The following STPG2 variants were observed in gnomAD, a reference collection of about 807,000 sequenced individuals.
STPG2 encodes the protein sperm tail PG-rich repeat containing 2.
In STPG2, 56 loss-of-function variants were observed where a neutral mutation model predicts 54.2. The ratio of observed to expected loss-of-function variants is 1.03; its 90% CI spans 0.83 to 1.29. The LOEUF (loss-of-function observed/expected upper bound fraction) is 1.29. STPG2 is among the 50% of genes most tolerant of loss of function. The pLI is 0.00. For missense variants in STPG2, 596 were observed against 544.9 expected (o/e 1.09, Z -0.93); for synonymous variants, 200 against 181.8 (o/e 1.10, Z -0.81).
intron 8 of STPG2, among the ~76,000 whole-genome samples, chr4:97,851,281 G>A (rs1199145972): frequency 1.3e-5 from 2 of 152,156 alleles, no homozygotes; most frequent in Non-Finnish European, 2.9e-5. Context: ...CAAACAGTAA[G>A]TGACTGACAC....
At chr4:97,981,084 G>T (rs1383464621) in intron 6 of STPG2, 75 bp downstream of exon 6, 8 of 1,475,828 alleles carry the variant, frequency 5.4e-6, no homozygotes, top group Non-Finnish European at 7.3e-6. Context: ...ATACTCTCTG[G>T]TGTATCCATC....
intron 7 of STPG2, among the ~76,000 whole-genome samples, chr4:97,947,404 G>A (rs541142006): frequency 2.0e-5 from 3 of 151,860 alleles, no homozygotes; most frequent in Non-Finnish European, 4.4e-5. Context: ...ATTTCCTTCT[G>A]TTGCCTGATT....
intron 10 of STPG2, among the ~76,000 whole-genome samples, chr4:97,704,306 C>T (rs771794029): frequency 6.6e-6 from 1 of 152,132 alleles, no homozygotes; most frequent in Non-Finnish European, 1.5e-5. Context: ...GGGCTGAAAG[C>T]TATCCTTAAG....
At chr4:97,540,632 C>T (rs1731673683) in intron 4 of STPG2, among the ~76,000 whole-genome samples, 1 of 152,156 alleles carries the variant, frequency 6.6e-6, no homozygotes, top group African/African-American at 2.4e-5. Flanking sequence ...AGGCCAGCAT[C>T]ATCCTGATAC....
At chr4:97,846,615 C>T (rs1335021869) in intron 8 of STPG2, among the ~76,000 whole-genome samples, 2 of 122,500 alleles carry the variant, frequency 1.6e-5, no homozygotes, top group Admixed American at 9.6e-5. Context: ...CAGTGTGAGA[C>T]TCCACCTCAA....
At chr4:97,957,141 T>C (rs967009984) in intron 7 of STPG2, among the ~76,000 whole-genome samples, 7 of 150,676 alleles carry the variant, frequency 4.6e-5, no homozygotes, top group Non-Finnish European at 7.4e-5. Context: ...ATATATGAAA[T>C]ATACATGTGA....
At chr4:97,791,819 A>AT (rs1454334313) in intron 9 of STPG2, among the ~76,000 whole-genome samples, 1 of 151,996 alleles carries the variant, frequency 6.6e-6, no homozygotes, top group African/African-American at 2.4e-5. Context: ...AGCATAACAA[A>AT]TAAAAAAAAA....
chr4:97,949,106 T>C (rs753924633), intron 7 of STPG2, among the ~76,000 whole-genome samples: 51 of 152,246 alleles, frequency 3.3e-4, no homozygotes, highest in Middle Eastern at 3.4e-3. Context: ...GATAAGTGCT[T>C]ATACATTTAA....
chr4:97,908,269 C>A lies in STPG2; in HGVS notation c.1044+35628G>T, dbSNP rs541438022. ...GCCAAAAAACACATGAAAAAATGCT[C>A]ACCATCACTGGCCATCAGAGAAATG... On this transcript the variant is annotated intron_variant, in intron 8 of 10. Coordinates refer to ENST00000295268, the MANE Select transcript of STPG2 (RefSeq NM_174952.3). 3.6e-4 allele frequency among the ~76,000 whole-genome samples: 55 copies of A among 152,166 alleles called. 1 individual carries two copies. The South Asian group carries it at 0.011, about 31-fold the overall frequency.
At chr4:97,637,168 G>A (rs1406914816) in intron 10 of STPG2, among the ~76,000 whole-genome samples, 1 of 152,118 alleles carries the variant, frequency 6.6e-6, no homozygotes, top group Non-Finnish European at 1.5e-5. Context: ...TTCATCCCTG[G>A]GATGCAAGGC....
intron 10 of STPG2, among the ~76,000 whole-genome samples, chr4:97,703,859 A>G (rs1199031036): frequency 2.0e-5 from 3 of 150,816 alleles, no homozygotes; most frequent in Non-Finnish European, 2.9e-5. Context: ...ATTAACTTAC[A>G]TAATCACAAG....
chr4:97,852,260 A>G (rs1256549581), intron 8 of STPG2, among the ~76,000 whole-genome samples: 1 of 152,210 alleles, frequency 6.6e-6, no homozygotes, highest in African/African-American at 2.4e-5. Flanking sequence ...ACTTTTTAAA[A>G]TCAAATGAAT....
At chr4:97,858,856 CAT>C (rs1357018701) in intron 8 of STPG2, among the ~76,000 whole-genome samples, 3 of 152,262 alleles carry the variant, frequency 2.0e-5, no homozygotes, top group Non-Finnish European at 2.9e-5. Context: ...GCTGCTATAA[CAT>C]GTGTGTGCAA....
At chr4:97,718,588 A>G (rs1187435350) in intron 9 of STPG2, among the ~76,000 whole-genome samples, 2 of 151,992 alleles carry the variant, frequency 1.3e-5, no homozygotes, top group African/African-American at 4.8e-5. Flanking sequence ...TGAATGATAC[A>G]ATACTTTTCA....
chr4:97,948,088 T>C (rs1733308594), intron 7 of STPG2, among the ~76,000 whole-genome samples: 1 of 152,002 alleles, frequency 6.6e-6, no homozygotes, highest in Non-Finnish European at 1.5e-5. Context: ...TTGCTGCTTG[T>C]TATTGGTCTG....
In STPG2 at chr4:97,808,690, C is replaced by T. The variant is rs1185678780; in HGVS notation, c.1204+32083G>A. ...AATTTTTAAATTAGATATAAAAAGA[C>T]AAAAACCAAAAAAAAAACCCACAGA... On this transcript the variant is annotated intron_variant, in intron 9 of 10. Transcript: ENST00000295268. Among the ~76,000 whole-genome samples the T allele has an allele frequency of 6.2e-5, 6 of 96,140 alleles. No homozygotes were observed. The South Asian group carries it at 1.3e-3, about 20-fold the overall frequency. 63.1% of individuals were successfully genotyped at this position (96,140 alleles called of 152,430 possible). A position where few individuals can be genotyped will look rare whatever the true frequency, so the allele number is the denominator to read the frequency against.
intron 10 of STPG2, among the ~76,000 whole-genome samples, chr4:97,668,170 A>G (rs1474672754): frequency 6.6e-6 from 1 of 152,282 alleles, no homozygotes; most frequent in East Asian, 1.9e-4. Flanking sequence ...GAATAAGAAG[A>G]GTGTCAGGTG....
chr4:97,802,805 G>A (rs948137949), intron 9 of STPG2, among the ~76,000 whole-genome samples: 1 of 151,984 alleles, frequency 6.6e-6, no homozygotes. Flanking sequence ...TATACATATT[G>A]ACACACACAT....
chr4:97,772,140 A>G (rs961852155), intron 9 of STPG2, among the ~76,000 whole-genome samples: 12 of 152,222 alleles, frequency 7.9e-5, no homozygotes, highest in African/African-American at 2.9e-4. Context: ...GGTCCATTTG[A>G]AGAGCATGTA....
Sources: allele counts gnomAD v4.1 joint callset (sites outside exome capture counted in the v4.1 genomes callset), GRCh38; gene constraint gnomAD v4.1.1; transcripts MANE v1.5; gene names NCBI Gene and HGNC (gene_info 2026-07-23, HGNC 2026-07-21).